The following MAP4K3 variants were observed in gnomAD, a reference collection of about 807,000 sequenced individuals.
MAP4K3 encodes MAPK/ERK kinase kinase kinase 3.
MAP4K3 carries 94 observed loss-of-function variants against 143.5 expected under a neutral mutation model. That is an observed-to-expected ratio of 0.65 (90% CI 0.55 to 0.78). The LOEUF (loss-of-function observed/expected upper bound fraction) is 0.78, where lower values mean the gene tolerates loss of function less well. MAP4K3 is among the 30% of genes least tolerant of loss of function. MAP4K3 has a pLI of 0.00. For synonymous variants in MAP4K3, 416 were observed against 347.2 expected (o/e 1.20, Z -2.20); for missense variants, 1,077 against 1,068.1 (o/e 1.01, Z -0.12).
chr2:39,273,639 A>G (rs1681128184), intron 24 of MAP4K3, among the ~76,000 whole-genome samples: 1 of 152,236 alleles, frequency 6.6e-6, no homozygotes, highest in East Asian at 1.9e-4. Context: ...AGGTAATAAT[A>G]AAAGGGAGGA....
intron 8 of MAP4K3, among the ~76,000 whole-genome samples, chr2:39,328,314 G>C (rs1044305711): frequency 6.6e-6 from 1 of 152,172 alleles, no homozygotes; most frequent in African/African-American, 2.4e-5. Context: ...CTGGGTGACA[G>C]AGTGAGACCC....
At chr2:39,322,823 C>T (rs1683356250) in intron 12 of MAP4K3, among the ~76,000 whole-genome samples, 2 of 151,928 alleles carry the variant, frequency 1.3e-5, no homozygotes, top group Admixed American at 1.3e-4. Flanking sequence ...GCATGAGCCA[C>T]CATGCCCGGC....
At chr2:39,358,323 T>C (rs905163164) in intron 2 of MAP4K3, among the ~76,000 whole-genome samples, 1 of 152,196 alleles carries the variant, frequency 6.6e-6, no homozygotes, top group Admixed American at 6.5e-5. Flanking sequence ...TTTGTACCCC[T>C]AGTACCAAAG....
At chr2:39,364,865 CAAAA>C (rs70957105) in intron 2 of MAP4K3, among the ~76,000 whole-genome samples, 1 of 114,746 alleles carries the variant, frequency 8.7e-6, no homozygotes. Flanking sequence ...AACTCTGTCT[CAAAA>C]AAAAAAAAAA....
intron 21 of MAP4K3, among the ~76,000 whole-genome samples, chr2:39,283,306 A>C (rs1476905514): frequency 6.6e-6 from 1 of 152,192 alleles, no homozygotes; most frequent in Non-Finnish European, 1.5e-5. Flanking sequence ...CTAGTCTCAC[A>C]GCAATATCAC....
At chr2:39,345,316 C>A (rs190483786) in intron 3 of MAP4K3, among the ~76,000 whole-genome samples, 1 of 64,114 alleles carries the variant, frequency 1.6e-5, no homozygotes, top group African/African-American at 6.4e-5. Context: ...AGGTGCAGGG[C>A]GGGGCGGGGC....
chr2:39,404,851 C>T (rs1667052742), intron 1 of MAP4K3, among the ~76,000 whole-genome samples: 1 of 152,066 alleles, frequency 6.6e-6, no homozygotes, highest in Non-Finnish European at 1.5e-5. Context: ...GAACTCCCAA[C>T]CTCAGGGGAT....
At chr2:39,265,161 G>T in intron 28 of MAP4K3, 42 bp downstream of exon 28, 1 of 1,269,740 alleles carries the variant, frequency 7.9e-7, no homozygotes, top group Non-Finnish European at 1.1e-6. Context: ...AGGTTGACAA[G>T]CTTTTATAGT....
intron 27 of MAP4K3, 27 bp downstream of exon 27, chr2:39,267,162 C>T (rs372046443): frequency 6.2e-7 from 1 of 1,609,928 alleles, no homozygotes; most frequent in Admixed American, 1.7e-5. Context: ...TCTCAGAGAG[C>T]TATATGCTAT....
In MAP4K3 at chr2:39,323,069, T is replaced by C. The variant is rs544347390; in HGVS notation, c.918+2449A>G. Among the ~76,000 whole-genome samples the C allele has an allele frequency of 1.5e-4, 23 of 152,308 alleles. No homozygotes were observed. The South Asian group carries it at 4.6e-3, about 30-fold the overall frequency. ...TGAGTGACAACACTGCACTTAGCAA[T>C]TACAATTACAAATCATTTGCAAATA... On this transcript the variant is annotated intron_variant, in intron 12 of 33. Coordinates refer to ENST00000263881, the MANE Select transcript of MAP4K3 (RefSeq NM_003618.4).
intron 1 of MAP4K3, among the ~76,000 whole-genome samples, chr2:39,411,914 TAG>T (rs1384179622): frequency 6.6e-6 from 1 of 152,194 alleles, no homozygotes; most frequent in Non-Finnish European, 1.5e-5. Context: ...CATGGCACTC[TAG>T]AGAGTTTACA....
chr2:39,382,008 C>A lies in MAP4K3; in HGVS notation c.97-3885G>T, dbSNP rs533572881. 5.9e-5 allele frequency among the ~76,000 whole-genome samples: 9 copies of A among 152,326 alleles called. No individual in the cohort carries two copies. In the South Asian group the frequency reaches 1.2e-3, roughly 21 times the overall value. ...TGGAAGTGGACTGGTGAGGAAAATC[C>A]TGCAGGTCTAGACCGATCTCGGCTT... On this transcript the variant is annotated intron_variant, in intron 1 of 33. Transcript: ENST00000263881.
rs1309608200 is a variant in MAP4K3 at position 39,436,896 on chromosome 2, T to C, written c.92A>G (p.Tyr31Cys). 1 of 1,609,792 alleles carries C rather than the reference T, an allele frequency of 6.2e-7. No individual in the cohort carries two copies. Among genetic ancestry groups the C allele is most frequent in the Non-Finnish European group, 8.5e-7 (1 of 1,178,570 alleles). ...RIGSGTYGDV[Y>C]KARNVNTGEL... ...GCGCGCGGCCCCTGCCTTTACCTTGTAGACGTCGCCGTAGGTGCCGCTGCC... is the reference window on the plus strand; with the variant it reads ...GCGCGCGGCCCCTGCCTTTACCTTGCAGACGTCGCCGTAGGTGCCGCTGCC... The change falls in exon 1 of 34, where the codon TAC becomes TGC. Residue 31 changes from tyrosine to cysteine, a missense_variant. Coordinates refer to ENST00000263881, the MANE Select transcript of MAP4K3 (RefSeq NM_003618.4).
chr2:39,301,371 G>A (rs1253332401), intron 15 of MAP4K3, among the ~76,000 whole-genome samples: 1 of 152,162 alleles, frequency 6.6e-6, no homozygotes, highest in African/African-American at 2.4e-5. Flanking sequence ...TAAAATCATT[G>A]TTATTACAAA....
At chr2:39,355,383 A>G (rs1032705450) in intron 3 of MAP4K3, among the ~76,000 whole-genome samples, 1 of 147,516 alleles carries the variant, frequency 6.8e-6, no homozygotes, top group Non-Finnish European at 1.5e-5. Flanking sequence ...AAAAAAAAAA[A>G]GGCTGGGCAT....
At chr2:39,259,218 A>G (rs1375797949) in intron 29 of MAP4K3, among the ~76,000 whole-genome samples, 3 of 152,098 alleles carry the variant, frequency 2.0e-5, no homozygotes, top group African/African-American at 7.2e-5. Context: ...AGGTTTGTCT[A>G]TATATGCCAA....
chr2:39,344,767 A>G (rs963126286), intron 3 of MAP4K3, among the ~76,000 whole-genome samples: 2 of 152,344 alleles, frequency 1.3e-5, no homozygotes, highest in African/African-American at 4.8e-5. Context: ...TCTTGAAATT[A>G]AAGTAGAAAT....
At chr2:39,351,511 T>C (rs915459655) in intron 3 of MAP4K3, among the ~76,000 whole-genome samples, 3 of 66,918 alleles carry the variant, frequency 4.5e-5, no homozygotes, top group Non-Finnish European at 9.8e-5. Flanking sequence ...AAGGGAAGGA[T>C]TAGGTTTTAG....
At chr2:39,282,474 T>G in intron 22 of MAP4K3, 39 bp downstream of exon 22, 1 of 1,554,632 alleles carries the variant, frequency 6.4e-7, no homozygotes, top group Non-Finnish European at 8.8e-7. Context: ...CACAAGTGAC[T>G]TAGCTTGAAA....
Sources: gnomAD v4.1 joint callset for allele counts (sites outside exome capture counted in the v4.1 genomes callset) on GRCh38, gnomAD v4.1.1 for gene constraint, MANE v1.5 for transcripts, NCBI Gene and HGNC (gene_info 2026-07-23, HGNC 2026-07-21) for gene names.